NRG1: variants seen among roughly 807,000 people sequenced by gnomAD.
NRG1 encodes neuregulin 1, also known as pro-neuregulin-1, membrane-bound isoform.
Under a neutral mutation model 63.8 loss-of-function variants are expected in NRG1, and 18 were observed. The ratio of observed to expected loss-of-function variants is 0.28; its 90% CI spans 0.19 to 0.42. NRG1 has a LOEUF of 0.42. Ranked by LOEUF, NRG1 falls within the 10% of genes least tolerant of loss-of-function variation. The pLI is 1.00. For synonymous variants in NRG1, 302 were observed against 301.3 expected (o/e 1.00, Z -0.02); for missense variants, 762 against 814.7 (o/e 0.94, Z 0.79).
At chr8:31,711,116 T>C (rs1441286177) in intron 1 of NRG1, among the ~76,000 whole-genome samples, 1 of 152,154 alleles carries the variant, frequency 6.6e-6, no homozygotes, top group Non-Finnish European at 1.5e-5. Context: ...ATTTTCAACT[T>C]CCTAATTTCT....
At chr8:31,727,697 T>G (rs909558014) in intron 1 of NRG1, among the ~76,000 whole-genome samples, 9 of 152,172 alleles carry the variant, frequency 5.9e-5, no homozygotes, top group African/African-American at 2.2e-4. Flanking sequence ...TATTCAAGAA[T>G]GCCCCAGTGA....
At chr8:31,944,222 C>A (rs959074223) in intron 1 of NRG1, among the ~76,000 whole-genome samples, 2 of 152,156 alleles carry the variant, frequency 1.3e-5, no homozygotes, top group Admixed American at 6.5e-5. Flanking sequence ...TCTTGTCTAA[C>A]CCTTTCATTT....
chr8:32,352,259 T>C (rs1805700265), intron 1 of NRG1, among the ~76,000 whole-genome samples: 1 of 150,958 alleles, frequency 6.6e-6, no homozygotes, highest in African/African-American at 2.4e-5. Flanking sequence ...AGAAATACAC[T>C]GATGAGACAG....
At chr8:32,471,122 C>T (rs1017008504) in intron 1 of NRG1, among the ~76,000 whole-genome samples, 3 of 151,924 alleles carry the variant, frequency 2.0e-5, no homozygotes, top group African/African-American at 4.9e-5. Context: ...TCATTTATGT[C>T]TATTGAAATA....
chr8:32,535,940 C>T (rs1279621553), intron 1 of NRG1, among the ~76,000 whole-genome samples: 2 of 152,176 alleles, frequency 1.3e-5, no homozygotes, highest in African/African-American at 2.4e-5. Context: ...ATCATTACCA[C>T]ACATTCCAAA....
intron 1 of NRG1, among the ~76,000 whole-genome samples, chr8:31,916,469 C>A (rs1312100804): frequency 2.6e-5 from 4 of 152,018 alleles, no homozygotes; most frequent in Non-Finnish European, 5.9e-5. Flanking sequence ...GTTTTTTGTT[C>A]TTGCAATAGT....
intron 1 of NRG1, among the ~76,000 whole-genome samples, chr8:32,338,902 A>G (rs544294869): frequency 2.8e-4 from 43 of 152,252 alleles, no homozygotes; most frequent in African/African-American, 8.9e-4. Flanking sequence ...TAAGTCTCCA[A>G]TGAGCCCTGG....
intron 1 of NRG1, among the ~76,000 whole-genome samples, chr8:32,531,063 A>C (rs1242881943): frequency 6.6e-6 from 1 of 152,084 alleles, no homozygotes; most frequent in African/African-American, 2.4e-5. Context: ...ATACCACTGC[A>C]CTCCAGCATG....
chr8:32,582,299 T>C (rs1200399470), intron 1 of NRG1, among the ~76,000 whole-genome samples: 1 of 151,986 alleles, frequency 6.6e-6, no homozygotes, highest in Non-Finnish European at 1.5e-5. Context: ...TGTTTTACCA[T>C]GTTGCCCAGG....
At chr8:31,901,179 A>T (rs1023818014) in intron 1 of NRG1, among the ~76,000 whole-genome samples, 9 of 152,194 alleles carry the variant, frequency 5.9e-5, no homozygotes, top group African/African-American at 2.2e-4. Context: ...TTGTAAAAGA[A>T]CTAGGAATGG....
At chr8:32,204,143 G>T (rs921194627) in intron 1 of NRG1, among the ~76,000 whole-genome samples, 3 of 152,170 alleles carry the variant, frequency 2.0e-5, no homozygotes, top group East Asian at 1.9e-4. Flanking sequence ...TCAGTAGTTT[G>T]GTATGGCTAC....
At chr8:32,526,922 C>T (rs1001844104) in intron 1 of NRG1, among the ~76,000 whole-genome samples, 1 of 152,150 alleles carries the variant, frequency 6.6e-6, no homozygotes, top group African/African-American at 2.4e-5. Flanking sequence ...TAGCCCTTCA[C>T]TCTTCTGTAA....
At chr8:31,679,394 G>C (rs1808087631) in intron 1 of NRG1, among the ~76,000 whole-genome samples, 3 of 152,144 alleles carry the variant, frequency 2.0e-5, no homozygotes, top group South Asian at 4.2e-4. Context: ...CAAAAACAAG[G>C]ATTTTCATCT....
chr8:32,198,835 C>T (rs1043193288), intron 1 of NRG1, among the ~76,000 whole-genome samples: 1 of 151,652 alleles, frequency 6.6e-6, no homozygotes, highest in African/African-American at 2.4e-5. Flanking sequence ...AACAAAGGAA[C>T]AAAATGTTCA....
chr8:32,643,706 A>G (rs989130845), intron 5 of NRG1, among the ~76,000 whole-genome samples: 1 of 152,206 alleles, frequency 6.6e-6, no homozygotes, highest in African/African-American at 2.4e-5. Flanking sequence ...CTGGAATGAG[A>G]CCATGGAAGA....
chr8:32,086,293 T>C (rs1335890618), intron 1 of NRG1, among the ~76,000 whole-genome samples: 5 of 152,308 alleles, frequency 3.3e-5, no homozygotes, highest in Non-Finnish European at 5.9e-5. Flanking sequence ...TCCACACAAA[T>C]CACATCACCC....
chr8:32,159,301 G>A (rs1453842424), intron 1 of NRG1, among the ~76,000 whole-genome samples: 6 of 152,014 alleles, frequency 3.9e-5, no homozygotes, highest in African/African-American at 1.2e-4. Flanking sequence ...TTGGGAGGCC[G>A]AGGCGGGTGG....
chr8:32,329,441 G>A (rs1240596899), intron 1 of NRG1, among the ~76,000 whole-genome samples: 2 of 152,038 alleles, frequency 1.3e-5, no homozygotes, highest in African/African-American at 4.8e-5. Flanking sequence ...TCAGAAAAGT[G>A]AAAAAAAGTT....
intron 1 of NRG1, among the ~76,000 whole-genome samples, chr8:32,159,752 C>T (rs1445516876): frequency 6.6e-6 from 1 of 151,922 alleles, no homozygotes. Flanking sequence ...GTAAATTAAT[C>T]TGAGTAGTAT....
Sources: gnomAD v4.1 joint callset for allele counts (sites outside exome capture counted in the v4.1 genomes callset) on GRCh38, gnomAD v4.1.1 for gene constraint, MANE v1.5 for transcripts, NCBI Gene and HGNC (gene_info 2026-07-23, HGNC 2026-07-21) for gene names.